The following ANKS1B variants were observed in gnomAD, a reference collection of about 807,000 sequenced individuals.
The protein encoded by ANKS1B is ankyrin repeat and sterile alpha motif domain containing 1B.
Under a neutral mutation model 148.3 loss-of-function variants are expected in ANKS1B, and 36 were observed. The observed-to-expected ratio is 0.24, with a 90% CI of 0.19 to 0.32. The LOEUF is 0.32. Ranked by LOEUF, ANKS1B falls within the 10% of genes least tolerant of loss-of-function variation. The pLI, the probability that ANKS1B is intolerant of heterozygous loss-of-function variation, is 1.00. For missense variants in ANKS1B, 1,157 were observed against 1,542.6 expected (o/e 0.75, Z 4.19); for synonymous variants, 542 against 560.8 (o/e 0.97, Z 0.47).
intron 10 of ANKS1B, among the ~76,000 whole-genome samples, chr12:99,448,144 C>T (rs2095666235): frequency 6.6e-6 from 1 of 152,090 alleles, no homozygotes; most frequent in South Asian, 2.1e-4. Flanking sequence ...GAGATATCTC[C>T]ACTCCCATGT....
chr12:99,938,697 G>A (rs2094841660), intron 1 of ANKS1B, among the ~76,000 whole-genome samples: 1 of 152,128 alleles, frequency 6.6e-6, no homozygotes, highest in South Asian at 2.1e-4. Context: ...TAAGATTCAA[G>A]CGGCAATTTG....
intron 4 of ANKS1B, among the ~76,000 whole-genome samples, chr12:99,791,162 T>C (rs2065604625): frequency 6.6e-6 from 1 of 151,690 alleles, no homozygotes; most frequent in South Asian, 2.1e-4. Context: ...AAGATAAAAA[T>C]TGTAGGAAAA....
chr12:99,588,423 T>TC (rs1555502303), intron 9 of ANKS1B, among the ~76,000 whole-genome samples: 1 of 151,476 alleles, frequency 6.6e-6, no homozygotes, highest in Non-Finnish European at 1.5e-5. Flanking sequence ...CTTTTTTTTT[T>TC]GTCTTTTTTT....
Position 99,580,800 on chromosome 12 carries a change from T to A in ANKS1B, c.1272+74267A>T, listed in dbSNP as rs145266362. ...TATTTGAGGTAATGAATATCCCAGT[T>A]AACTGGATTTGATAATTACCTGGTG... On this transcript the variant is annotated intron_variant, in intron 9 of 26. Transcript: ENST00000683438. 3.6e-3 allele frequency among the ~76,000 whole-genome samples: 545 copies of A among 152,308 alleles called. 5 individuals carry two copies. The highest frequency in any genetic ancestry group is 0.011 in the African/African-American group (450 of 41,568).
chr12:99,876,135 C>T (rs1220533297), intron 1 of ANKS1B, among the ~76,000 whole-genome samples: 2 of 152,284 alleles, frequency 1.3e-5, no homozygotes, highest in East Asian at 1.9e-4. Flanking sequence ...ATCAAACATC[C>T]ATTCCTTCAT....
At chr12:99,157,269 G>C (rs969674475) in intron 14 of ANKS1B, among the ~76,000 whole-genome samples, 2 of 152,162 alleles carry the variant, frequency 1.3e-5, no homozygotes, top group Non-Finnish European at 2.9e-5. Context: ...CTCAATTATA[G>C]CTTCTCCTAG....
At chr12:99,436,125 A>G (rs2095456789) in intron 11 of ANKS1B, among the ~76,000 whole-genome samples, 1 of 152,038 alleles carries the variant, frequency 6.6e-6, no homozygotes, top group South Asian at 2.1e-4. Flanking sequence ...TTCAGACTAC[A>G]TACTACTGCC....
At chr12:99,758,428 C>T (rs545599870) in intron 8 of ANKS1B, among the ~76,000 whole-genome samples, 1 of 151,916 alleles carries the variant, frequency 6.6e-6, no homozygotes, top group African/African-American at 2.4e-5. Context: ...GGCTACCATT[C>T]GTTTAGTGTG....
chr12:99,851,985 C>A (rs1376228928), intron 1 of ANKS1B, among the ~76,000 whole-genome samples: 1 of 152,106 alleles, frequency 6.6e-6, no homozygotes, highest in Non-Finnish European at 1.5e-5. Context: ...ACATGCATGC[C>A]TGTGGTTGAC....
At chr12:98,927,485 T>C (rs1393569727) in intron 17 of ANKS1B, among the ~76,000 whole-genome samples, 1 of 152,128 alleles carries the variant, frequency 6.6e-6, no homozygotes, top group Non-Finnish European at 1.5e-5. Context: ...TAACTCTTTC[T>C]AATTTAAAAG....
At chr12:99,710,781 C>A (rs968580057) in intron 8 of ANKS1B, among the ~76,000 whole-genome samples, 1 of 151,996 alleles carries the variant, frequency 6.6e-6, no homozygotes, top group East Asian at 1.9e-4. Context: ...TCCTTTAGAC[C>A]TATATAGACC....
At chr12:99,639,897 C>G (rs898334734) in intron 9 of ANKS1B, among the ~76,000 whole-genome samples, 2 of 152,146 alleles carry the variant, frequency 1.3e-5, no homozygotes, top group Non-Finnish European at 2.9e-5. Context: ...ATAGGCTGGG[C>G]ATGGTGGCTC....
intron 4 of ANKS1B, among the ~76,000 whole-genome samples, chr12:99,792,000 T>C (rs1206175885): frequency 6.6e-6 from 1 of 151,540 alleles, no homozygotes; most frequent in Non-Finnish European, 1.5e-5. Context: ...TTGACAAACC[T>C]TTAGCCAGAC....
intron 9 of ANKS1B, among the ~76,000 whole-genome samples, chr12:99,543,556 A>G (rs1045802433): frequency 1.3e-5 from 2 of 152,162 alleles, no homozygotes; most frequent in African/African-American, 4.8e-5. Flanking sequence ...AAAATAGTCA[A>G]AAAGGGTGAA....
intron 1 of ANKS1B, among the ~76,000 whole-genome samples, chr12:99,889,458 C>T (rs545904187): frequency 3.3e-5 from 5 of 152,258 alleles, no homozygotes; most frequent in Middle Eastern, 3.4e-3. Context: ...TCACCAACTT[C>T]GGGTATTTCT....
At chr12:99,839,065 A>G (rs2085293909) in intron 1 of ANKS1B, among the ~76,000 whole-genome samples, 1 of 152,118 alleles carries the variant, frequency 6.6e-6, no homozygotes, top group South Asian at 2.1e-4. Context: ...TCATGGGTTT[A>G]TTCATCTGTA....
intron 17 of ANKS1B, among the ~76,000 whole-genome samples, chr12:98,989,144 T>C (rs943449603): frequency 2.0e-5 from 3 of 152,210 alleles, no homozygotes; most frequent in African/African-American, 7.2e-5. Context: ...CTTGCCTTTG[T>C]TGCCTGGGCT....
chr12:99,732,910 A>G (rs2059299157), intron 8 of ANKS1B, among the ~76,000 whole-genome samples: 1 of 152,086 alleles, frequency 6.6e-6, no homozygotes, highest in Admixed American at 6.6e-5. Flanking sequence ...TTTGTCAATC[A>G]TTTTCATTCA....
At chr12:99,425,271 AATT>A (rs757634931) in intron 11 of ANKS1B, among the ~76,000 whole-genome samples, 25 of 152,086 alleles carry the variant, frequency 1.6e-4, no homozygotes, top group Admixed American at 7.2e-4. Flanking sequence ...GTTACCATAT[AATT>A]AAGTTATTCA....
Sources: gnomAD v4.1 joint callset for allele counts (sites outside exome capture counted in the v4.1 genomes callset) on GRCh38, gnomAD v4.1.1 for gene constraint, MANE v1.5 for transcripts, NCBI Gene and HGNC (gene_info 2026-07-23, HGNC 2026-07-21) for gene names.